Variants in PLXDC2 observed in about 807,000 individuals in gnomAD.
PLXDC2 encodes the protein plexin domain containing 2, also known as plexin domain-containing protein 2.
PLXDC2 carries 40 observed loss-of-function variants against 68.9 expected under a neutral mutation model. That is an observed-to-expected ratio of 0.58 (90% CI 0.45 to 0.76). The LOEUF (loss-of-function observed/expected upper bound fraction) is 0.76, where lower values mean the gene tolerates loss of function less well. PLXDC2 is among the 30% of genes least tolerant of loss of function. PLXDC2 has a pLI of 0.00. For missense variants in PLXDC2, 644 were observed against 661.9 expected (o/e 0.97, Z 0.30); for synonymous variants, 243 against 234.2 (o/e 1.04, Z -0.34).
chr10:20,192,020 T>G (rs1236911980), intron 9 of PLXDC2, among the ~76,000 whole-genome samples: 1 of 152,028 alleles, frequency 6.6e-6, no homozygotes, highest in Non-Finnish European at 1.5e-5. Context: ...AATTCAAACC[T>G]TACAATTGCA....
chr10:20,160,077 G>C (rs187842386), intron 6 of PLXDC2, among the ~76,000 whole-genome samples: 2 of 152,218 alleles, frequency 1.3e-5, no homozygotes, highest in Non-Finnish European at 2.9e-5. Flanking sequence ...TTTCCTATCT[G>C]CTGTAATTCC....
chr10:19,870,127 C>G (rs894701069), intron 1 of PLXDC2, among the ~76,000 whole-genome samples: 4 of 152,150 alleles, frequency 2.6e-5, no homozygotes, highest in Non-Finnish European at 5.9e-5. Flanking sequence ...AGGGAACAAA[C>G]TTGGGGTCTT....
intron 1 of PLXDC2, among the ~76,000 whole-genome samples, chr10:19,939,677 T>C (rs576302415): frequency 6.6e-6 from 1 of 152,318 alleles, no homozygotes; most frequent in Admixed American, 6.5e-5. Flanking sequence ...CATGTGATGA[T>C]GTATTTGTAC....
chr10:20,084,882 A>G (rs79386515), intron 4 of PLXDC2, among the ~76,000 whole-genome samples: 11 of 47,586 alleles, frequency 2.3e-4, no homozygotes, highest in African/African-American at 1.8e-3. Context: ...TGGCAGAGGA[A>G]AAAAAAAAAA....
intron 6 of PLXDC2, among the ~76,000 whole-genome samples, chr10:20,156,267 C>T (rs1834215863): frequency 6.6e-6 from 1 of 152,100 alleles, no homozygotes; most frequent in East Asian, 1.9e-4. Flanking sequence ...TCAGACTCTT[C>T]GTGTTCCAAT....
At chr10:20,248,845 C>G (rs1335917546) in intron 13 of PLXDC2, among the ~76,000 whole-genome samples, 1 of 152,114 alleles carries the variant, frequency 6.6e-6, no homozygotes. Context: ...CTTTTCTTGC[C>G]TTTTATGTTC....
intron 4 of PLXDC2, among the ~76,000 whole-genome samples, chr10:20,108,662 A>T (rs1469630804): frequency 6.6e-6 from 1 of 152,164 alleles, no homozygotes; most frequent in African/African-American, 2.4e-5. Flanking sequence ...TCAGTATTAA[A>T]TTTGGGAGAA....
intron 1 of PLXDC2, among the ~76,000 whole-genome samples, chr10:19,874,280 T>C (rs1157242877): frequency 6.6e-6 from 1 of 152,194 alleles, no homozygotes; most frequent in East Asian, 1.9e-4. Flanking sequence ...TAAAGCCTTT[T>C]TTCTGTTTGG....
chr10:20,009,060 C>A (rs1244927608), intron 2 of PLXDC2, among the ~76,000 whole-genome samples: 2 of 152,164 alleles, frequency 1.3e-5, no homozygotes, highest in African/African-American at 2.4e-5. Context: ...GAAAATCTTA[C>A]TCCTCTTCTA....
At chr10:19,859,008 G>A (rs551842699) in intron 1 of PLXDC2, among the ~76,000 whole-genome samples, 1 of 151,228 alleles carries the variant, frequency 6.6e-6, no homozygotes, top group East Asian at 1.9e-4. Flanking sequence ...AACCCATGAT[G>A]AGAAAAGCAG....
At chr10:20,128,543 C>G (rs1833823147) in intron 4 of PLXDC2, among the ~76,000 whole-genome samples, 1 of 152,020 alleles carries the variant, frequency 6.6e-6, no homozygotes, top group Non-Finnish European at 1.5e-5. Flanking sequence ...TAGCAAATTT[C>G]AAGTATGCAA....
chr10:20,153,693 A>G (rs2131803699), intron 6 of PLXDC2, among the ~76,000 whole-genome samples: 1 of 152,338 alleles, frequency 6.6e-6, no homozygotes, highest in East Asian at 1.9e-4. Flanking sequence ...CACAAAAACC[A>G]TGAGTAGCTA....
chr10:20,241,385 G>T (rs970951876), intron 12 of PLXDC2, among the ~76,000 whole-genome samples: 1 of 152,114 alleles, frequency 6.6e-6, no homozygotes, highest in Non-Finnish European at 1.5e-5. Context: ...CCTGGGAAAA[G>T]CTGCCTCCTT....
At chr10:19,970,647 T>C (rs967716046) in intron 1 of PLXDC2, among the ~76,000 whole-genome samples, 11 of 152,210 alleles carry the variant, frequency 7.2e-5, no homozygotes, top group African/African-American at 2.2e-4. Flanking sequence ...ATTGATGTCA[T>C]TGTGTAAACA....
At chr10:20,178,633 T>C (rs937815371) in intron 9 of PLXDC2, among the ~76,000 whole-genome samples, 1 of 152,132 alleles carries the variant, frequency 6.6e-6, no homozygotes, top group Admixed American at 6.6e-5. Flanking sequence ...GCATTTGCTG[T>C]AACGATAAAG....
At chr10:20,218,937 A>T in intron 11 of PLXDC2, 127 bp from the exon 12 acceptor site, 1 of 1,013,914 alleles carries the variant, frequency 9.9e-7, no homozygotes, top group Non-Finnish European at 1.4e-6. Flanking sequence ...AGAAATTACC[A>T]CAATAAATTA....
chr10:20,145,359 A>G (rs1399310907), intron 5 of PLXDC2, among the ~76,000 whole-genome samples: 1 of 152,154 alleles, frequency 6.6e-6, no homozygotes, highest in Non-Finnish European at 1.5e-5. Context: ...TACCACAACA[A>G]CTTGCTGAAA....
intron 2 of PLXDC2, among the ~76,000 whole-genome samples, chr10:20,040,806 A>C (rs1356165040): frequency 6.6e-6 from 1 of 152,294 alleles, no homozygotes; most frequent in East Asian, 1.9e-4. Flanking sequence ...TGAGGAAAAT[A>C]ATGGGCTTTC....
chr10:19,947,703 C>G (rs1015510178), intron 1 of PLXDC2, among the ~76,000 whole-genome samples: 1 of 110,042 alleles, frequency 9.1e-6, no homozygotes, highest in Admixed American at 1.1e-4. Flanking sequence ...TCTTTTCTTT[C>G]TTTCTTTTTT....
Sources: allele counts gnomAD v4.1 joint callset (sites outside exome capture counted in the v4.1 genomes callset), GRCh38; gene constraint gnomAD v4.1.1; transcripts MANE v1.5; gene names NCBI Gene and HGNC (gene_info 2026-07-23, HGNC 2026-07-21).